API5: variants seen among roughly 807,000 people sequenced by gnomAD.
API5 encodes FIF.
API5 carries 6 observed loss-of-function variants against 71.9 expected under a neutral mutation model. The ratio of observed to expected loss-of-function variants is 0.08; its 90% CI spans 0.05 to 0.16. The LOEUF (loss-of-function observed/expected upper bound fraction) is 0.16, where lower values mean the gene tolerates loss of function less well. Among genes scored for constraint, API5 ranks in the 10% least tolerant of loss-of-function variants. The probability of loss-of-function intolerance (pLI) is 1.00; values close to 1 mark genes in which losing one functional copy is unlikely to be tolerated. For synonymous variants in API5, 189 were observed against 221.3 expected, an observed-to-expected ratio of 0.85 and a Z score of 1.30; for missense variants, 332 against 612.8, an observed-to-expected ratio of 0.54 and a Z score of 4.84.
chr11:43,314,500 C>G (rs903061337), intron 1 of API5, among the ~76,000 whole-genome samples: 13 of 152,136 alleles, frequency 8.5e-5, no homozygotes, highest in Admixed American at 7.9e-4. Context: ...ACTTTAGAGA[C>G]AAGTTTGTGA....
intron 8 of API5, 35 bp downstream of exon 8, chr11:43,327,913 G>A (rs1035343537): frequency 1.5e-6 from 2 of 1,327,868 alleles, no homozygotes; most frequent in East Asian, 4.7e-5. Context: ...GGGATAGTCA[G>A]TATATAGCTC....
chr11:43,316,513 C>T (rs1421653993), intron 1 of API5, among the ~76,000 whole-genome samples: 1 of 151,724 alleles, frequency 6.6e-6, no homozygotes, highest in Non-Finnish European at 1.5e-5. Flanking sequence ...TCAGAACAAA[C>T]TTTGATTTTA....
intron 8 of API5, among the ~76,000 whole-genome samples, chr11:43,328,410 A>C (rs563978689): frequency 6.6e-6 from 1 of 152,224 alleles, no homozygotes; most frequent in African/African-American, 2.4e-5. Context: ...CTTTGTTACC[A>C]TGGGAAGGTT....
intron 10 of API5, 139 bp from the exon 11 acceptor site, chr11:43,330,369 T>C: frequency 2.7e-6 from 2 of 729,358 alleles, no homozygotes; most frequent in Non-Finnish European, 4.8e-6. Flanking sequence ...GCATTATCTA[T>C]AGATTTAAAC....
Position 43,312,056 on chromosome 11 carries a change from G to C in API5, c.-72G>C. 1.9e-6 allele frequency: 3 copies of C among 1,552,610 alleles called. No homozygotes were observed. The highest frequency in any genetic ancestry group is 2.7e-6 in the Non-Finnish European group (3 of 1,131,132). ...TAATAGTGCGGGTAGTGGGTTTGGAGAAGTTCCGAGGCGGCGGTGGCGCCG... is the reference window on the plus strand; with the variant it reads ...TAATAGTGCGGGTAGTGGGTTTGGACAAGTTCCGAGGCGGCGGTGGCGCCG... On this transcript the variant is annotated 5_prime_UTR_variant, in exon 1 of 14. Transcript: ENST00000531273.
At chr11:43,330,821 T>C (rs950582258) in intron 11 of API5, among the ~76,000 whole-genome samples, 1 of 152,218 alleles carries the variant, frequency 6.6e-6, no homozygotes, top group Non-Finnish European at 1.5e-5. Flanking sequence ...ATGTGGTATG[T>C]AGCACAATGA....
intron 9 of API5, chr11:43,329,119 G>A (rs1671521113): frequency 2.1e-6 from 1 of 472,054 alleles, no homozygotes; most frequent in Non-Finnish European, 3.8e-6. Context: ...AGGCAGGAGG[G>A]TTGCTTGACA....
chr11:43,330,089 G>T (rs376273666), intron 10 of API5, 31 bp downstream of exon 10: 3 of 1,555,258 alleles, frequency 1.9e-6, no homozygotes, highest in Non-Finnish European at 1.8e-6. Flanking sequence ...TTCATAAACT[G>T]CTAGTTCCAT....
intron 1 of API5, among the ~76,000 whole-genome samples, chr11:43,314,598 G>T (rs1268998109): frequency 6.6e-6 from 1 of 152,114 alleles, no homozygotes; most frequent in Non-Finnish European, 1.5e-5. Flanking sequence ...CCACACACCC[G>T]GCTGGACACT....
At chr11:43,315,796 C>T (rs1425312156) in intron 1 of API5, among the ~76,000 whole-genome samples, 1 of 152,094 alleles carries the variant, frequency 6.6e-6, no homozygotes, top group Non-Finnish European at 1.5e-5. Context: ...TTCTGATCTC[C>T]TTTTCCACTG....
At chr11:43,321,689 A>C (rs1416694459) in intron 4 of API5, among the ~76,000 whole-genome samples, 1 of 152,208 alleles carries the variant, frequency 6.6e-6, no homozygotes, top group Non-Finnish European at 1.5e-5. Flanking sequence ...TTCCATTAGA[A>C]ATCTGTTGGA....
At chr11:43,335,432 A>G (rs912075397) in intron 12 of API5, 78 bp downstream of exon 12, 23 of 830,010 alleles carry the variant, frequency 2.8e-5, no homozygotes, top group African/African-American at 1.7e-4. Flanking sequence ...AAAGGGTGCA[A>G]TGTTAAATGA....
In API5 at chr11:43,342,827, A is replaced by G; in HGVS notation, c.*317A>G. 1.7e-6 allele frequency: 1 copy of G among 578,766 alleles called. No homozygotes were observed. Among genetic ancestry groups the G allele is most frequent in the Non-Finnish European group, 3.1e-6 (1 of 327,598 alleles). 35.9% of individuals were successfully genotyped at this position (578,766 alleles called of 1,614,324 possible). On this transcript the variant is annotated 3_prime_UTR_variant, in exon 14 of 14. Coordinates refer to ENST00000531273, the MANE Select transcript of API5 (RefSeq NM_001142930.2). ...TGAGAGCTGTTCATTCTAAAATGTA[A>G]TGAAATTCAGTCTAGTTCTGCTGAT...
rs1855663304 is a variant in API5 at position 43,342,695 on chromosome 11, C to T, written c.*185C>T. ...ACCATGGTTGTGTCCAAGGTAAAAC[C>T]ACAGTGATATTTTTGGATGCTTTGT... On this transcript the variant is annotated 3_prime_UTR_variant, in exon 14 of 14. Transcript: ENST00000531273. The T allele has an allele frequency of 8.5e-6, 6 of 702,978 alleles. No homozygotes were observed. Among genetic ancestry groups the T allele is most frequent in the South Asian group, 6.1e-5 (4 of 65,306 alleles). 43.5% of individuals were successfully genotyped at this position (702,978 alleles called of 1,614,324 possible).
chr11:43,313,442 A>AG (rs1854559685), intron 1 of API5, among the ~76,000 whole-genome samples: 1 of 152,218 alleles, frequency 6.6e-6, no homozygotes, highest in African/African-American at 2.4e-5. Context: ...ATAGCTTTTC[A>AG]GCGCTTAGAA....
chr11:43,318,289 G>A (rs775375026), intron 1 of API5: 34 of 842,014 alleles, frequency 4.0e-5, no homozygotes, highest in African/African-American at 6.9e-5. Flanking sequence ...GATTACAGGC[G>A]TGAGCCACCA....
intron 1 of API5, among the ~76,000 whole-genome samples, chr11:43,316,527 A>T (rs1477017848): frequency 1.3e-5 from 2 of 152,206 alleles, no homozygotes; most frequent in African/African-American, 4.8e-5. Flanking sequence ...GATTTTATGA[A>T]GCCTGCCTAG....
chr11:43,326,455 T>C (rs1855077252), intron 6 of API5, 52 bp from the exon 7 acceptor site: 5 of 1,134,206 alleles, frequency 4.4e-6, no homozygotes, highest in African/African-American at 1.5e-5. Flanking sequence ...TGCTATAATA[T>C]TTGAGCGAAT....
chr11:43,318,163 C>T (rs1298934150), intron 1 of API5, among the ~76,000 whole-genome samples: 1 of 152,166 alleles, frequency 6.6e-6, no homozygotes, highest in Non-Finnish European at 1.5e-5. Context: ...GCGCACACCA[C>T]CACGCCTGGC....
Sources: allele counts gnomAD v4.1 joint callset (sites outside exome capture counted in the v4.1 genomes callset), GRCh38; gene constraint gnomAD v4.1.1; transcripts MANE v1.5; gene names NCBI Gene and HGNC (gene_info 2026-07-23, HGNC 2026-07-21).